Variants in SORCS2 observed in about 807,000 individuals in gnomAD.
The protein encoded by SORCS2 is VPS10 domain-containing receptor SorCS2.
A neutral mutation model predicts 141.6 loss-of-function variants in SORCS2; 100 were observed. The observed-to-expected ratio is 0.71, with a 90% CI of 0.60 to 0.83. The LOEUF (loss-of-function observed/expected upper bound fraction) is 0.83. SORCS2 is among the 40% of genes least tolerant of loss of function. SORCS2 has a pLI of 0.00. For missense variants in SORCS2, 1,646 were observed against 1,560.2 expected, an observed-to-expected ratio of 1.05 and a Z score of -0.93; for synonymous variants, 789 against 676.9, an observed-to-expected ratio of 1.17 and a Z score of -2.57.
chr4:7,554,967 A>T (rs1713999354), intron 3 of SORCS2, among the ~76,000 whole-genome samples: 1 of 152,202 alleles, frequency 6.6e-6, no homozygotes. Context: ...GTGCAAGTGC[A>T]TCAAAGTCAT....
intron 1 of SORCS2, among the ~76,000 whole-genome samples, chr4:7,311,966 C>T (rs1252431966): frequency 8.5e-5 from 13 of 152,078 alleles, no homozygotes; most frequent in Admixed American, 8.5e-4. Flanking sequence ...ATTGGCGCCT[C>T]CTGGGTTCAA....
intron 1 of SORCS2, among the ~76,000 whole-genome samples, chr4:7,220,118 A>G (rs755434316): frequency 3.3e-5 from 5 of 152,120 alleles, no homozygotes; most frequent in Non-Finnish European, 7.4e-5. Flanking sequence ...GAGACTTCAC[A>G]TTCTGAGGCC....
chr4:7,414,258 C>T (rs72616135), intron 2 of SORCS2, among the ~76,000 whole-genome samples: 19,989 of 152,224 alleles, frequency 0.13, 1,648 homozygotes, highest in East Asian at 0.36. Context: ...CCCACAGTTG[C>T]ACATGGCAAG....
At position 7,417,051 on chromosome 4, in the gene SORCS2, T is replaced by C. The variant is rs115259632; in HGVS notation, c.548+20696T>C. ...AAAGTGACATTCTGCCCTGGGGATA[T>C]GATGCATTTTAATGAAGCCCCCCAC... On this transcript the variant is annotated intron_variant, in intron 2 of 26. Transcript: ENST00000507866. 3.6e-3 allele frequency among the ~76,000 whole-genome samples: 545 copies of C among 152,190 alleles called. 4 individuals are homozygous for C. The highest frequency in any genetic ancestry group is 0.012 in the African/African-American group (516 of 41,516).
chr4:7,592,276 G>A (rs1716972001), intron 3 of SORCS2, among the ~76,000 whole-genome samples: 1 of 152,054 alleles, frequency 6.6e-6, no homozygotes, highest in South Asian at 2.1e-4. Context: ...ACAAATCCAG[G>A]CTGGATCTGG....
chr4:7,447,693 G>A (rs1038283665), intron 2 of SORCS2, among the ~76,000 whole-genome samples: 2 of 152,174 alleles, frequency 1.3e-5, no homozygotes, highest in Admixed American at 6.5e-5. Context: ...GCAGCCATGG[G>A]GACAGGCTCG....
chr4:7,676,207 G>A lies in SORCS2; in HGVS notation c.1319G>A (p.Ser440Asn). ...DVRSSRQAEE[S>N]VLIDILEVRG... Reference sequence around the variant, plus strand: ...CGCAGCTCACGGCAGGCGGAGGAGAGCGTGCTCATCGACATCCTGGAGGTG... The same window carrying A: ...CGCAGCTCACGGCAGGCGGAGGAGAACGTGCTCATCGACATCCTGGAGGTG... Residue 440 changes from serine to asparagine, a missense_variant, in exon 9 of 27, where the codon AGC becomes AAC. Transcript: ENST00000507866. 6.4e-7 allele frequency: 1 copy of A among 1,551,720 alleles called. No individual in the cohort carries two copies. The highest frequency in any genetic ancestry group is 8.7e-7 in the Non-Finnish European group (1 of 1,147,302).
At position 7,739,570 on chromosome 4, in the gene SORCS2, C is replaced by T. The variant is rs544209348; in HGVS notation, c.3416-630C>T. ...CTTTGAGGGGTGCGGTTGACCCTCA[C>T]GTTAGAGATGAAGAAGCCAAGGCCC... On this transcript the variant is annotated intron_variant, in intron 26 of 26. Coordinates refer to ENST00000507866, the MANE Select transcript of SORCS2 (RefSeq NM_020777.3). 1.9e-4 allele frequency among the ~76,000 whole-genome samples: 29 copies of T among 152,298 alleles called. No individual in the cohort carries two copies. The East Asian group carries it at 5.6e-3, about 29-fold the overall frequency.
chr4:7,642,866 G>T (rs950843161), intron 4 of SORCS2, among the ~76,000 whole-genome samples: 1 of 152,152 alleles, frequency 6.6e-6, no homozygotes, highest in East Asian at 1.9e-4. Flanking sequence ...GGCTCCAGGG[G>T]TTGCAAACCA....
At chr4:7,588,834 T>C (rs925433686) in intron 3 of SORCS2, among the ~76,000 whole-genome samples, 1 of 152,246 alleles carries the variant, frequency 6.6e-6, no homozygotes, top group Non-Finnish European at 1.5e-5. Context: ...AGACTTTTTT[T>C]GGTATATTTT....
intron 3 of SORCS2, among the ~76,000 whole-genome samples, chr4:7,560,052 G>A (rs1268379112): frequency 1.3e-5 from 2 of 152,200 alleles, no homozygotes; most frequent in Non-Finnish European, 2.9e-5. Context: ...GGAGGCCCTG[G>A]CCTGAATTCT....
intron 3 of SORCS2, among the ~76,000 whole-genome samples, chr4:7,546,317 C>T (rs879434331): frequency 1.2e-4 from 19 of 152,304 alleles, no homozygotes; most frequent in Admixed American, 4.6e-4. Flanking sequence ...CCTGTGTCTT[C>T]TCCCCTTCCC....
intron 3 of SORCS2, among the ~76,000 whole-genome samples, chr4:7,617,768 C>T (rs564478073): frequency 1.4e-4 from 21 of 152,246 alleles, no homozygotes; most frequent in African/African-American, 5.1e-4. Context: ...CCCTCATGGG[C>T]TGTGTTTCTA....
rs1217063689 is a variant in SORCS2, at chr4:7,737,253, C to T, written c.3415+81C>T. On this transcript the variant is annotated intron_variant, in intron 26 of 26. Coordinates refer to ENST00000507866, the MANE Select transcript of SORCS2 (RefSeq NM_020777.3). ...CAAACCCACCCCGCCCTCCCACAGG[C>T]CACCCCGCTGGGCCGCTGGGGCCAG... The T allele has an allele frequency of 4.6e-6, 7 of 1,534,598 alleles. 1 individual carries two copies. The South Asian group carries it at 7.3e-5, about 16-fold the overall frequency.
rs967171570 is a variant in SORCS2, at chr4:7,723,765, T to C, written c.2493T>C (p.Leu831=). The C allele has an allele frequency of 1.9e-6, 3 of 1,613,852 alleles. No individual in the cohort carries two copies. Among genetic ancestry groups the C allele is most frequent in the Non-Finnish European group, 2.5e-6 (3 of 1,179,892 alleles). Residue 831 remains leucine (L), a synonymous_variant, in exon 19 of 27, where the codon CTT becomes CTC. Transcript: ENST00000507866. ...GDGFKAMYVN[L]TLTGEPIRHR... ...GCTTCAAGGCCATGTACGTGAACCT[T>C]ACACTGACCGGGGAGCCCATCCGGC...
intron 2 of SORCS2, among the ~76,000 whole-genome samples, chr4:7,412,710 G>A (rs1725398716): frequency 6.6e-6 from 1 of 151,920 alleles, no homozygotes; most frequent in African/African-American, 2.4e-5. Context: ...CTCCCTGCAG[G>A]TCTTGCTCCT....
At position 7,293,266 on chromosome 4, in the gene SORCS2, T is replaced by C. The variant is rs189960506; in HGVS notation, c.480+100140T>C. 3.1e-3 allele frequency among the ~76,000 whole-genome samples: 474 copies of C among 150,920 alleles called. 4 individuals carry two copies. Among genetic ancestry groups the C allele is most frequent in the African/African-American group, 0.011 (450 of 40,952 alleles). ...TTGCAGTGAGCCGAGATCGCGCCAC[T>C]GCACTCTAGCCTGGGCGAAAGAGCA... is the stretch of plus-strand genomic sequence containing the variant. On this transcript the variant is annotated intron_variant, in intron 1 of 26. Coordinates refer to ENST00000507866, the MANE Select transcript of SORCS2 (RefSeq NM_020777.3).
At chr4:7,607,027 T>C (rs1049899877) in intron 3 of SORCS2, among the ~76,000 whole-genome samples, 3 of 152,206 alleles carry the variant, frequency 2.0e-5, no homozygotes, top group Non-Finnish European at 2.9e-5. Context: ...GCGATTTCAC[T>C]ACCAGCCTTC....
intron 18 of SORCS2, among the ~76,000 whole-genome samples, chr4:7,723,325 C>T (rs1182190300): frequency 6.6e-6 from 1 of 152,166 alleles, no homozygotes; most frequent in East Asian, 1.9e-4. Context: ...GTGGGAGGCC[C>T]CTCACCTTCC....
Sources: gnomAD v4.1 joint callset for allele counts (sites outside exome capture counted in the v4.1 genomes callset) on GRCh38, gnomAD v4.1.1 for gene constraint, MANE v1.5 for transcripts, NCBI Gene and HGNC (gene_info 2026-07-23, HGNC 2026-07-21) for gene names.